The following CAMK2D variants were observed in gnomAD, a reference collection of about 807,000 sequenced individuals.
CAMK2D encodes calcium/calmodulin dependent protein kinase II delta, also known as calcium/calmodulin-dependent protein kinase type II subunit delta.
A neutral mutation model predicts 84.0 loss-of-function variants in CAMK2D; 37 were observed. The ratio of observed to expected loss-of-function variants is 0.44; its 90% CI spans 0.34 to 0.58. CAMK2D has a LOEUF of 0.58. Ranked by LOEUF, CAMK2D falls within the 20% of genes least tolerant of loss-of-function variation. The pLI, the probability that CAMK2D is intolerant of heterozygous loss-of-function variation, is 0.02. For synonymous variants in CAMK2D, 202 were observed against 212.5 expected, an observed-to-expected ratio of 0.95 and a Z score of 0.43; for missense variants, 448 against 652.5, an observed-to-expected ratio of 0.69 and a Z score of 3.41.
At chr4:113,682,146 A>G (rs1363733581) in intron 2 of CAMK2D, among the ~76,000 whole-genome samples, 4 of 152,204 alleles carry the variant, frequency 2.6e-5, no homozygotes, top group Admixed American at 2.6e-4. Context: ...ATCAGATTAC[A>G]TATGTTAAAC....
chr4:113,697,694 A>G lies in CAMK2D; in HGVS notation c.161-35922T>C, dbSNP rs566340394. Among the ~76,000 whole-genome samples, 6 of 152,226 alleles carry G rather than the reference A, an allele frequency of 3.9e-5. No individual in the cohort carries two copies. In the South Asian group the frequency reaches 1.2e-3, roughly 32 times the overall value. ...CCAGTTCTTATGAGAAATGACTCAT[A>G]TAATACCTGTTTTAAGATACCTAAA... On this transcript the variant is annotated intron_variant, in intron 2 of 20. Coordinates refer to ENST00000511664, the MANE Select transcript of CAMK2D (RefSeq NM_001321571.2).
chr4:113,536,155 C>G (rs2098488736), intron 7 of CAMK2D, among the ~76,000 whole-genome samples: 1 of 152,100 alleles, frequency 6.6e-6, no homozygotes, highest in African/African-American at 2.4e-5. Flanking sequence ...ATATTATAAA[C>G]AGAATGACAA....
At chr4:113,610,851 T>A (rs982320189) in intron 3 of CAMK2D, among the ~76,000 whole-genome samples, 3 of 152,284 alleles carry the variant, frequency 2.0e-5, no homozygotes, top group Non-Finnish European at 4.4e-5. Context: ...CTTTAATACC[T>A]TTCCCTTCTT....
chr4:113,455,937 T>C, intron 19 of CAMK2D, 116 bp from the exon 20 acceptor site: 1 of 617,652 alleles, frequency 1.6e-6, no homozygotes, highest in Non-Finnish European at 3.0e-6. Context: ...TGGTACTGTA[T>C]GAATGTAACC....
At chr4:113,626,392 C>A (rs2154281340) in intron 3 of CAMK2D, among the ~76,000 whole-genome samples, 1 of 152,246 alleles carries the variant, frequency 6.6e-6, no homozygotes, top group East Asian at 1.9e-4. Flanking sequence ...AGAGCAAGAG[C>A]TCTAAAGCTG....
intron 4 of CAMK2D, among the ~76,000 whole-genome samples, chr4:113,599,778 G>A (rs1181293078): frequency 6.6e-6 from 1 of 152,140 alleles, no homozygotes; most frequent in Non-Finnish European, 1.5e-5. Flanking sequence ...ATGTTACTAA[G>A]AAAATCCTAA....
At chr4:113,526,107 TACATTA>T (rs1211025166) in intron 8 of CAMK2D, among the ~76,000 whole-genome samples, 3 of 152,172 alleles carry the variant, frequency 2.0e-5, no homozygotes, top group Admixed American at 2.0e-4. Flanking sequence ...AACAAAAGAA[TACATTA>T]TAATGTTCTA....
intron 4 of CAMK2D, among the ~76,000 whole-genome samples, chr4:113,589,142 A>C (rs1016275027): frequency 6.6e-6 from 1 of 152,034 alleles, no homozygotes; most frequent in Non-Finnish European, 1.5e-5. Context: ...GGTCAGAAGG[A>C]GAGCAGTAGG....
chr4:113,726,388 T>C (rs1324584250), intron 2 of CAMK2D, among the ~76,000 whole-genome samples: 2 of 144,566 alleles, frequency 1.4e-5, no homozygotes, highest in Non-Finnish European at 3.0e-5. Context: ...TTTTTTTTTT[T>C]TTTTTTTTTT....
At chr4:113,574,294 A>G (rs1199623380) in intron 4 of CAMK2D, among the ~76,000 whole-genome samples, 1 of 152,166 alleles carries the variant, frequency 6.6e-6, no homozygotes, top group Non-Finnish European at 1.5e-5. Flanking sequence ...CCTTTCTACA[A>G]ATATATTCTT....
chr4:113,751,414 A>G (rs773174678), intron 2 of CAMK2D, among the ~76,000 whole-genome samples: 13 of 152,228 alleles, frequency 8.5e-5, no homozygotes, highest in Non-Finnish European at 1.6e-4. Context: ...TACTATATTT[A>G]CATTTAATAA....
intron 3 of CAMK2D, among the ~76,000 whole-genome samples, chr4:113,637,913 T>G (rs1465594115): frequency 6.6e-6 from 1 of 152,194 alleles, no homozygotes; most frequent in African/African-American, 2.4e-5. Flanking sequence ...TTTCCAGGAT[T>G]TGACACCAGT....
intron 4 of CAMK2D, among the ~76,000 whole-genome samples, chr4:113,567,559 A>G (rs2098731815): frequency 6.6e-6 from 1 of 152,190 alleles, no homozygotes; most frequent in African/African-American, 2.4e-5. Flanking sequence ...TAAGCTTTAT[A>G]ATTCTTATAA....
intron 2 of CAMK2D, among the ~76,000 whole-genome samples, chr4:113,701,625 G>A (rs933569555): frequency 6.6e-6 from 1 of 152,160 alleles, no homozygotes; most frequent in African/African-American, 2.4e-5. Context: ...CACTGAATAT[G>A]GGCCACCCTG....
At chr4:113,580,166 A>C (rs1165638955) in intron 4 of CAMK2D, among the ~76,000 whole-genome samples, 3 of 152,202 alleles carry the variant, frequency 2.0e-5, no homozygotes, top group African/African-American at 7.2e-5. Context: ...GCTCTTTCAA[A>C]CTCTGACATA....
At chr4:113,705,606 T>G (rs1397956574) in intron 2 of CAMK2D, among the ~76,000 whole-genome samples, 1 of 152,198 alleles carries the variant, frequency 6.6e-6, no homozygotes, top group African/African-American at 2.4e-5. Context: ...CTGTACTATC[T>G]TTTCAGCTTT....
chr4:113,490,461 G>C (rs1469476679), intron 16 of CAMK2D, among the ~76,000 whole-genome samples: 1 of 100,504 alleles, frequency 9.9e-6, no homozygotes, highest in Non-Finnish European at 1.9e-5. Flanking sequence ...GTAGATATGC[G>C]GCGTTATTTC....
Position 113,509,796 on chromosome 4 carries a change from C to CA in CAMK2D, c.947-122dup. On this transcript the variant is annotated intron_variant, in intron 12 of 20. Transcript: ENST00000511664. Reference sequence around the variant, plus strand: ...TTGCTGAGTTCTGGCCAACATATGGCAAGTTATCAAAGTCACACTGATGAA... The same window carrying CA: ...TTGCTGAGTTCTGGCCAACATATGGCAAAGTTATCAAAGTCACACTGATGAA... 4.3e-6 allele frequency: 3 copies of CA among 695,416 alleles called. No individual in the cohort carries two copies. The South Asian group carries it at 5.0e-5, about 12-fold the overall frequency. The allele number at this position is 695,416 out of a possible 1,614,324, so 43.1% of individuals were successfully genotyped here.
intron 16 of CAMK2D, among the ~76,000 whole-genome samples, chr4:113,499,599 T>C (rs2098002043): frequency 6.6e-6 from 1 of 152,186 alleles, no homozygotes; most frequent in Non-Finnish European, 1.5e-5. Context: ...AGGTCAGTAA[T>C]CTTTTCAGAT....
Sources: gnomAD v4.1 joint callset for allele counts (sites outside exome capture counted in the v4.1 genomes callset) on GRCh38, gnomAD v4.1.1 for gene constraint, MANE v1.5 for transcripts, NCBI Gene and HGNC (gene_info 2026-07-23, HGNC 2026-07-21) for gene names.